Variants in SPAG16 observed in about 807,000 individuals in gnomAD.
SPAG16 encodes sperm associated antigen 16.
In SPAG16, 86 loss-of-function variants were observed where a neutral mutation model predicts 80.4. That is an observed-to-expected ratio of 1.07 (90% CI 0.90 to 1.28). SPAG16 has a LOEUF of 1.28. SPAG16 is among the 50% of genes most tolerant of loss of function. The pLI, the probability that SPAG16 is intolerant of heterozygous loss-of-function variation, is 0.00. For synonymous variants in SPAG16, 294 were observed against 265.9 expected (o/e 1.11, Z -1.03); for missense variants, 870 against 765.3 (o/e 1.14, Z -1.61).
chr2:214,258,124 G>T (rs2125864104), intron 15 of SPAG16, among the ~76,000 whole-genome samples: 1 of 152,036 alleles, frequency 6.6e-6, no homozygotes, highest in East Asian at 1.9e-4. Flanking sequence ...AGGTTTGGGA[G>T]AACAGGTGAT....
intron 10 of SPAG16, among the ~76,000 whole-genome samples, chr2:213,773,107 A>T (rs2069355987): frequency 6.6e-6 from 1 of 151,910 alleles, no homozygotes; most frequent in Admixed American, 6.6e-5. Context: ...TCTTGATATC[A>T]TTTGGTTTAT....
intron 10 of SPAG16, among the ~76,000 whole-genome samples, chr2:213,771,408 T>C (rs1357181432): frequency 6.6e-6 from 1 of 152,190 alleles, no homozygotes; most frequent in Non-Finnish European, 1.5e-5. Flanking sequence ...AGGTTGTCTG[T>C]TCACTCTGAT....
intron 15 of SPAG16, chr2:214,311,876 G>A (rs977887022): frequency 5.3e-5 from 8 of 152,176 alleles, no homozygotes; most frequent in African/African-American, 1.9e-4. Flanking sequence ...TGGCTGAAAT[G>A]TATGCCCCAC....
At position 213,930,085 on chromosome 2, in the gene SPAG16, G is replaced by A. The variant is rs1385867903; in HGVS notation, c.1340G>A (p.Cys447Tyr). Reference sequence around the variant, plus strand: ...GTGTGGTCCTGCACATGGCACTCCTGCGGCAATTTTGTGGCTTCCTCCTCA... The same window carrying A: ...GTGTGGTCCTGCACATGGCACTCCTACGGCAATTTTGTGGCTTCCTCCTCA... ...RAVWSCTWHS[C>Y]GNFVASSSLD... Residue 447 changes from cysteine to tyrosine, a missense_variant, in exon 12 of 16, where the codon TGC becomes TAC. Physicochemically the swap from Cys to Tyr is radical, Grantham distance 194. Transcript: ENST00000331683. 6.2e-7 allele frequency: 1 copy of A among 1,613,974 alleles called. No individual in the cohort carries two copies. The highest frequency in any genetic ancestry group is 1.7e-5 in the Admixed American group (1 of 59,980).
At chr2:214,094,827 C>T (rs1414279136) in intron 13 of SPAG16, among the ~76,000 whole-genome samples, 1 of 151,922 alleles carries the variant, frequency 6.6e-6, no homozygotes, top group Non-Finnish European at 1.5e-5. Context: ...TTTCACAGGT[C>T]TACAGATAGA....
At chr2:213,855,494 G>T (rs547980766) in intron 10 of SPAG16, among the ~76,000 whole-genome samples, 1 of 152,166 alleles carries the variant, frequency 6.6e-6, no homozygotes, top group Admixed American at 6.5e-5. Flanking sequence ...TCATTTTATC[G>T]CATTTCACTT....
intron 15 of SPAG16, among the ~76,000 whole-genome samples, chr2:214,206,679 T>G (rs1459114095): frequency 1.3e-5 from 2 of 152,148 alleles, no homozygotes; most frequent in South Asian, 2.1e-4. Flanking sequence ...TATTTTTAGT[T>G]TTTTGTGGAA....
chr2:213,354,440 T>C (rs906701848), intron 7 of SPAG16, among the ~76,000 whole-genome samples: 2 of 152,220 alleles, frequency 1.3e-5, no homozygotes, highest in African/African-American at 4.8e-5. Context: ...TTTCTGGTTC[T>C]AGATCCTTGA....
intron 11 of SPAG16, among the ~76,000 whole-genome samples, chr2:213,894,833 A>T (rs1028953322): frequency 1.3e-5 from 2 of 151,812 alleles, no homozygotes; most frequent in Non-Finnish European, 2.9e-5. Flanking sequence ...TACTAAAAAT[A>T]CAAAAAATTA....
At chr2:213,810,353 G>T (rs1291884210) in intron 10 of SPAG16, among the ~76,000 whole-genome samples, 3 of 152,122 alleles carry the variant, frequency 2.0e-5, no homozygotes, top group African/African-American at 7.2e-5. Flanking sequence ...GAAAGAGTAT[G>T]AGGTCTCCCA....
intron 10 of SPAG16, among the ~76,000 whole-genome samples, chr2:213,506,259 CAT>C (rs890473252): frequency 1.3e-5 from 2 of 151,924 alleles, no homozygotes; most frequent in East Asian, 3.8e-4. Context: ...TATATAGAAA[CAT>C]GTTAATTATT....
chr2:213,385,476 A>T (rs1283905229), intron 9 of SPAG16, among the ~76,000 whole-genome samples: 1 of 152,204 alleles, frequency 6.6e-6, no homozygotes, highest in African/African-American at 2.4e-5. Flanking sequence ...ACCCATAGGT[A>T]CATGTTGGCT....
rs1236843741 is a variant in SPAG16 at position 214,025,674 on chromosome 2, A to G, written c.1527+11597A>G. On this transcript the variant is annotated intron_variant, in intron 13 of 15. Transcript: ENST00000331683. Reference sequence around the variant, plus strand: ...AACACCTCTTGTTATATAGATTTATAGCACCAGAAAATTATTAGCAATTCA... The same window carrying G: ...AACACCTCTTGTTATATAGATTTATGGCACCAGAAAATTATTAGCAATTCA... Among the ~76,000 whole-genome samples the G allele has an allele frequency of 3.3e-5, 5 of 151,762 alleles. No homozygotes were observed. The East Asian group carries it at 9.6e-4, about 29-fold the overall frequency.
chr2:214,309,137 C>T (rs1421749937), intron 15 of SPAG16, among the ~76,000 whole-genome samples: 1 of 151,936 alleles, frequency 6.6e-6, no homozygotes, highest in African/African-American at 2.4e-5. Context: ...TTAAGAAAGC[C>T]AGGCTTCAAG....
At chr2:214,072,578 G>A (rs1482703053) in intron 13 of SPAG16, among the ~76,000 whole-genome samples, 1 of 152,040 alleles carries the variant, frequency 6.6e-6, no homozygotes, top group Non-Finnish European at 1.5e-5. Context: ...ATCTGCTATT[G>A]AATAAAATTG....
chr2:213,844,708 A>G (rs1400434799), intron 10 of SPAG16, among the ~76,000 whole-genome samples: 1 of 152,222 alleles, frequency 6.6e-6, no homozygotes, highest in Non-Finnish European at 1.5e-5. Flanking sequence ...TTTTTAAATT[A>G]GTTTTAAATA....
intron 12 of SPAG16, among the ~76,000 whole-genome samples, chr2:213,952,812 G>T (rs1348977264): frequency 6.6e-6 from 1 of 152,082 alleles, no homozygotes; most frequent in Non-Finnish European, 1.5e-5. Context: ...AAATATGGGT[G>T]TCAAGTCTTT....
intron 9 of SPAG16, among the ~76,000 whole-genome samples, chr2:213,469,292 A>G (rs764748815): frequency 1.3e-4 from 20 of 152,190 alleles, no homozygotes; most frequent in Non-Finnish European, 2.9e-4. Context: ...TCCCCAACCC[A>G]AATACTATTA....
chr2:213,941,938 T>C (rs569241464), intron 12 of SPAG16, among the ~76,000 whole-genome samples: 20 of 152,316 alleles, frequency 1.3e-4, no homozygotes, highest in Admixed American at 3.3e-4. Flanking sequence ...GGTTTTCTAC[T>C]CTGTGAGCAC....
Sources: gnomAD v4.1 joint callset for allele counts (sites outside exome capture counted in the v4.1 genomes callset) on GRCh38, gnomAD v4.1.1 for gene constraint, MANE v1.5 for transcripts, NCBI Gene and HGNC (gene_info 2026-07-23, HGNC 2026-07-21) for gene names.